Variants in TTBK2 observed in about 807,000 individuals in gnomAD.
The protein encoded by TTBK2 is tau-tubulin kinase 2.
In TTBK2, 28 loss-of-function variants were observed where a neutral mutation model predicts 110.8. The observed-to-expected ratio is 0.25, with a 90% CI of 0.19 to 0.35. The LOEUF is 0.35. Ranked by LOEUF, TTBK2 falls within the 10% of genes least tolerant of loss-of-function variation. TTBK2 has a pLI of 1.00. For missense variants in TTBK2, 1,369 were observed against 1,500.3 expected, an observed-to-expected ratio of 0.91 and a Z score of 1.45; for synonymous variants, 532 against 527.3, an observed-to-expected ratio of 1.01 and a Z score of -0.12.
intron 1 of TTBK2, among the ~76,000 whole-genome samples, chr15:42,881,586 A>T (rs2141140155): frequency 6.6e-6 from 1 of 152,158 alleles, no homozygotes; most frequent in Non-Finnish European, 1.5e-5. Context: ...AGAAATTAAA[A>T]TTTTAGGCCA....
chr15:42,873,395 C>T (rs1057260070), intron 2 of TTBK2, among the ~76,000 whole-genome samples: 1 of 152,060 alleles, frequency 6.6e-6, no homozygotes, highest in Non-Finnish European at 1.5e-5. Flanking sequence ...GATCCTGCCA[C>T]TGCATTCCAA....
chr15:42,752,240 C>G lies in TTBK2; in HGVS notation c.3006G>C (p.Leu1002Phe). 6.2e-7 allele frequency: 1 copy of G among 1,614,036 alleles called. No individual in the cohort carries two copies. Among genetic ancestry groups the G allele is most frequent in the Non-Finnish European group, 8.5e-7 (1 of 1,179,988 alleles). The change falls in exon 14 of 15, where the codon TTG becomes TTC. Residue 1002 changes from leucine to phenylalanine, a missense_variant. By Grantham distance (22) the Leu-to-Phe change is conservative. This residue lies in a region of TTBK2 where 1,097 missense variants were observed against 1,114.7 expected (regional missense o/e 0.98). Transcript: ENST00000267890. ...GAACAGTAGCTAGTTTCTCCTCTAG[C>G]AATTTATCAGAGGCACTTGAGAGGT... ...LGDLSSASDK[L>F]LEEKLATVPA...
intron 13 of TTBK2, among the ~76,000 whole-genome samples, chr15:42,769,984 C>G (rs559824392): frequency 2.0e-5 from 3 of 152,046 alleles, no homozygotes; most frequent in African/African-American, 7.2e-5. Flanking sequence ...CCATCATTCT[C>G]AGCAAACTAT....
At position 42,889,311 on chromosome 15, in the gene TTBK2, G is replaced by T. The variant is rs560684897; in HGVS notation, c.-67-10627C>A. 1.1e-4 allele frequency among the ~76,000 whole-genome samples: 16 copies of T among 152,238 alleles called. No homozygotes were observed. The East Asian group carries it at 2.3e-3, about 22-fold the overall frequency. ...GTCTGGGTAGATACTTTAACTGGAT[G>T]GATAGAGGCCTTTCCCACAGGATCT... On this transcript the variant is annotated intron_variant, in intron 1 of 14. Coordinates refer to ENST00000267890, the MANE Select transcript of TTBK2 (RefSeq NM_173500.4).
At position 42,794,632 on chromosome 15, in the gene TTBK2, T is replaced by C. The variant is rs748270653; in HGVS notation, c.980+12A>G. 3 of 1,614,112 alleles carry C rather than the reference T, an allele frequency of 1.9e-6. No homozygotes were observed. In the South Asian group the frequency reaches 3.3e-5, roughly 18 times the overall value. The stretch of plus-strand genomic sequence containing the variant: ...AGGAAAGACACCACCAAATGATCTG[T>C]TTAGGACATACCCAATTGCAGCAGG... On this transcript the variant is annotated intron_variant, in intron 10 of 14. Coordinates refer to ENST00000267890, the MANE Select transcript of TTBK2 (RefSeq NM_173500.4).
chr15:42,761,776 CAA>C (rs1488769770), intron 13 of TTBK2, among the ~76,000 whole-genome samples: 1 of 152,026 alleles, frequency 6.6e-6, no homozygotes, highest in East Asian at 1.9e-4. Context: ...TGGCTATCAT[CAA>C]AAAGACAAAA....
chr15:42,893,855 A>T (rs1288347380), intron 1 of TTBK2, among the ~76,000 whole-genome samples: 1 of 152,232 alleles, frequency 6.6e-6, no homozygotes, highest in Non-Finnish European at 1.5e-5. Flanking sequence ...CATTATACAC[A>T]GAAAGTGAAC....
intron 13 of TTBK2, among the ~76,000 whole-genome samples, chr15:42,754,494 T>A (rs2140613185): frequency 6.6e-6 from 1 of 151,762 alleles, no homozygotes; most frequent in South Asian, 2.1e-4. Flanking sequence ...CTCCTGGGTT[T>A]ACGTGATTCT....
At chr15:42,813,911 T>C (rs1293341146) in intron 7 of TTBK2, among the ~76,000 whole-genome samples, 3 of 151,804 alleles carry the variant, frequency 2.0e-5, no homozygotes, top group Non-Finnish European at 4.4e-5. Context: ...TTCTCAACAG[T>C]GACCCAAGAA....
chr15:42,819,121 T>A (rs1892177743), intron 6 of TTBK2, among the ~76,000 whole-genome samples: 1 of 151,068 alleles, frequency 6.6e-6, no homozygotes, highest in Non-Finnish European at 1.5e-5. Flanking sequence ...TAACCTCAAA[T>A]TTTTCTCAAT....
intron 3 of TTBK2, among the ~76,000 whole-genome samples, chr15:42,852,448 A>G (rs561998989): frequency 7.9e-5 from 12 of 152,350 alleles, no homozygotes; most frequent in South Asian, 4.1e-4. Flanking sequence ...ATAAAGGGAA[A>G]AAGTAAAATA....
intron 10 of TTBK2, among the ~76,000 whole-genome samples, chr15:42,794,255 G>A (rs1482389744): frequency 6.6e-6 from 1 of 152,164 alleles, no homozygotes; most frequent in Non-Finnish European, 1.5e-5. Flanking sequence ...ATCACTTTAA[G>A]AGGAACATGT....
chr15:42,763,174 A>ATG (rs1567008930), intron 13 of TTBK2, among the ~76,000 whole-genome samples: 3 of 15,834 alleles, frequency 1.9e-4, no homozygotes, highest in African/African-American at 5.4e-4. Flanking sequence ...ATATATATAT[A>ATG]TATATATATA....
intron 1 of TTBK2, among the ~76,000 whole-genome samples, chr15:42,898,516 GAA>G (rs1014044218): frequency 9.1e-6 from 1 of 109,616 alleles, no homozygotes. Flanking sequence ...GTCTCAAAAA[GAA>G]AAAAAAAAAG....
intron 1 of TTBK2, among the ~76,000 whole-genome samples, chr15:42,900,660 T>C (rs982110154): frequency 7.9e-5 from 12 of 151,890 alleles, no homozygotes; most frequent in African/African-American, 2.9e-4. Context: ...AGGTGGAGGT[T>C]GCAGCAGTGA....
chr15:42,890,918 G>A (rs1007795399), intron 1 of TTBK2, among the ~76,000 whole-genome samples: 1 of 152,120 alleles, frequency 6.6e-6, no homozygotes, highest in Non-Finnish European at 1.5e-5. Flanking sequence ...GCCCAGGATG[G>A]AGTGCACTGG....
At position 42,775,285 on chromosome 15, in the gene TTBK2, C is replaced by G. The variant is rs762573258; in HGVS notation, c.1848G>C (p.Val616=). The G allele has an allele frequency of 6.2e-7, 1 of 1,614,168 alleles. No individual in the cohort carries two copies. Among genetic ancestry groups the G allele is most frequent in the Non-Finnish European group, 8.5e-7 (1 of 1,180,024 alleles). Residue 616 remains valine (V), a synonymous_variant, in exon 13 of 15, where the codon GTG becomes GTC. Transcript: ENST00000267890. ...NDHLKKETSG[V]VLALSAEGPP... ...GACCCTCTGCAGAAAGTGCTAAGAC[C>G]ACACCTGAGGTTTCCTTCTTTAAAT...
intron 4 of TTBK2, among the ~76,000 whole-genome samples, chr15:42,838,501 C>T (rs922115217): frequency 1.3e-5 from 2 of 152,024 alleles, no homozygotes; most frequent in South Asian, 4.1e-4. Context: ...CTCCCTCGAC[C>T]TAACTCCACT....
chr15:42,816,994 C>T (rs1459031349), intron 7 of TTBK2, 38 bp downstream of exon 7: 2 of 1,421,390 alleles, frequency 1.4e-6, no homozygotes, highest in Non-Finnish European at 1.9e-6. Flanking sequence ...AAGCTATTAG[C>T]ATACTTATAC....
Sources: gnomAD v4.1 joint callset for allele counts (sites outside exome capture counted in the v4.1 genomes callset) on GRCh38, gnomAD v4.1.1 for gene constraint, gnomAD v4.1.1 regional missense constraint, MANE v1.5 for transcripts, NCBI Gene and HGNC (gene_info 2026-07-23, HGNC 2026-07-21) for gene names.